LIMA1: variants seen among roughly 807,000 people sequenced by gnomAD.
The protein encoded by LIMA1 is LIM domain and actin binding 1.
A neutral mutation model predicts 62.6 loss-of-function variants in LIMA1; 52 were observed. That is an observed-to-expected ratio of 0.83 (90% CI 0.67 to 1.05). The LOEUF (loss-of-function observed/expected upper bound fraction) is 1.05, where lower values mean the gene tolerates loss of function less well. Among genes scored for constraint, LIMA1 ranks in the 50% least tolerant of loss-of-function variants. LIMA1 has a pLI of 0.00. For missense variants in LIMA1, 780 were observed against 902.2 expected (o/e 0.86, Z 1.74); for synonymous variants, 302 against 317.8 (o/e 0.95, Z 0.53).
In LIMA1 at chr12:50,273,190, A is replaced by C. The variant is rs984994023; in HGVS notation, c.-24+10230T>G. Reference sequence around the variant, plus strand: ...GGCTGGTCTCGAACTCCTGACCTCAAGTGATCCGCCAGCCTTGGCCTCCTA... The same window carrying C: ...GGCTGGTCTCGAACTCCTGACCTCACGTGATCCGCCAGCCTTGGCCTCCTA... On this transcript the variant is annotated intron_variant, in intron 1 of 10. Transcript: ENST00000341247. 2.0e-5 allele frequency among the ~76,000 whole-genome samples: 3 copies of C among 152,038 alleles called. No individual in the cohort carries two copies. The East Asian group carries it at 5.8e-4, about 29-fold the overall frequency.
At chr12:50,202,211 C>G (rs181745365) in intron 6 of LIMA1, 1 of 152,238 alleles carries the variant, frequency 6.6e-6, no homozygotes, top group Admixed American at 6.5e-5. Flanking sequence ...CAAAGCCCCA[C>G]CTCCAGAACT....
chr12:50,267,416 CAT>C (rs1468986415), intron 1 of LIMA1, among the ~76,000 whole-genome samples: 3 of 151,950 alleles, frequency 2.0e-5, no homozygotes, highest in Non-Finnish European at 1.5e-5. Flanking sequence ...AGGGTTTCAC[CAT>C]GTTGGCCAGG....
intron 1 of LIMA1, among the ~76,000 whole-genome samples, chr12:50,249,025 A>G (rs1941891068): frequency 1.3e-5 from 2 of 152,200 alleles, no homozygotes; most frequent in African/African-American, 2.4e-5. Flanking sequence ...TGCAAACATC[A>G]ATTGGCCTTT....
chr12:50,250,509 G>A (rs1941915478), intron 1 of LIMA1, among the ~76,000 whole-genome samples: 1 of 139,200 alleles, frequency 7.2e-6, no homozygotes, highest in Non-Finnish European at 1.5e-5. Context: ...AGGCTACAAT[G>A]AGCTATGAAT....
At chr12:50,226,699 C>A (rs867891725) in intron 3 of LIMA1, among the ~76,000 whole-genome samples, 16 of 151,934 alleles carry the variant, frequency 1.1e-4, no homozygotes, top group African/African-American at 3.9e-4. Context: ...ATTAGGTGGG[C>A]GTGGTGGCGT....
intron 3 of LIMA1, chr12:50,224,118 C>T (rs1019753624): frequency 1.3e-5 from 2 of 152,066 alleles, no homozygotes; most frequent in African/African-American, 2.4e-5. Flanking sequence ...TGAACAGCAC[C>T]ACCTTCCCAA....
At chr12:50,183,710 C>T (rs2138390864) in intron 9 of LIMA1, among the ~76,000 whole-genome samples, 1 of 145,316 alleles carries the variant, frequency 6.9e-6, no homozygotes, top group South Asian at 2.3e-4. Context: ...ACTCGGGAGG[C>T]TGAGGCAGGA....
intron 7 of LIMA1, 101 bp downstream of exon 7, chr12:50,200,676 C>T: frequency 1.5e-6 from 2 of 1,333,172 alleles, no homozygotes; most frequent in Non-Finnish European, 1.1e-6. Flanking sequence ...ACCAAATTCC[C>T]AGACACTCTA....
At chr12:50,246,422 G>A (rs1218113590) in intron 2 of LIMA1, among the ~76,000 whole-genome samples, 7 of 151,956 alleles carry the variant, frequency 4.6e-5, no homozygotes, top group African/African-American at 9.7e-5. Context: ...TCTCAACACC[G>A]TCTGATATCC....
chr12:50,208,066 G>T (rs1941185967), intron 4 of LIMA1, among the ~76,000 whole-genome samples: 1 of 152,078 alleles, frequency 6.6e-6, no homozygotes, highest in African/African-American at 2.4e-5. Flanking sequence ...TATCTCCCAA[G>T]GCTAGGCACA....
intron 3 of LIMA1, among the ~76,000 whole-genome samples, chr12:50,228,377 A>C (rs1034993881): frequency 1.3e-5 from 2 of 152,094 alleles, no homozygotes; most frequent in African/African-American, 2.4e-5. Flanking sequence ...CTCCCAAACA[A>C]CACAAGATGA....
chr12:50,243,713 C>G (rs1941809317), intron 2 of LIMA1, among the ~76,000 whole-genome samples: 1 of 152,150 alleles, frequency 6.6e-6, no homozygotes, highest in African/African-American at 2.4e-5. Context: ...ATTCTCCAAG[C>G]CTACCAAATA....
chr12:50,186,647 A>G (rs919786879), intron 9 of LIMA1: 2 of 152,232 alleles, frequency 1.3e-5, no homozygotes, highest in African/African-American at 4.8e-5. Context: ...GTTTTATCCT[A>G]AAACCTTGCT....
chr12:50,258,313 T>A (rs1254342203), intron 1 of LIMA1, among the ~76,000 whole-genome samples: 2 of 152,158 alleles, frequency 1.3e-5, no homozygotes, highest in Non-Finnish European at 2.9e-5. Context: ...TGTGTGTGTG[T>A]GTGTGTGTGA....
intron 2 of LIMA1, among the ~76,000 whole-genome samples, chr12:50,236,695 C>T (rs548904581): frequency 2.6e-5 from 4 of 152,130 alleles, no homozygotes; most frequent in Admixed American, 1.3e-4. Flanking sequence ...CTGCTTCTTC[C>T]GTCTTTCTTG....
At position 50,277,841 on chromosome 12, in the gene LIMA1, C is replaced by A. The variant is rs555332575; in HGVS notation, c.-24+5579G>T. ...AAAACCAACATAATTAAAATGTTAACGCCCAAATAAAAATGGGAGTGGGAT... is the reference window on the plus strand; with the variant it reads ...AAAACCAACATAATTAAAATGTTAAAGCCCAAATAAAAATGGGAGTGGGAT... On this transcript the variant is annotated intron_variant, in intron 1 of 10. Transcript: ENST00000341247. 3.3e-5 allele frequency among the ~76,000 whole-genome samples: 5 copies of A among 152,262 alleles called. No individual in the cohort carries two copies. The South Asian group carries it at 1.0e-3, about 32-fold the overall frequency.
Position 50,248,688 on chromosome 12 carries a change from C to A in LIMA1, c.64G>T (p.Glu22Ter). Residue 22 changes from glutamate (E) to a stop codon, truncating the protein, a stop_gained, in exon 2 of 11, where the codon GAA becomes TAA. Coordinates refer to ENST00000341247, the MANE Select transcript of LIMA1 (RefSeq NM_016357.5). LOFTEE classifies it high-confidence loss of function. ...TSLSLRVTAK[E>*]LSLVNKNKSS... is the part of the protein sequence containing the mutation. ...TTGTTCTTGTTGACAAGAGAAAGTT[C>A]TTTGGCTGTTACCCTCAATGATAGT... 1 of 1,613,930 alleles carries A rather than the reference C, an allele frequency of 6.2e-7. No homozygotes were observed. Among genetic ancestry groups the A allele is most frequent in the Non-Finnish European group, 8.5e-7 (1 of 1,179,808 alleles).
At chr12:50,214,806 A>T (rs1055133126) in intron 4 of LIMA1, among the ~76,000 whole-genome samples, 2 of 152,234 alleles carry the variant, frequency 1.3e-5, no homozygotes, top group African/African-American at 4.8e-5. Flanking sequence ...CAAACAAACA[A>T]ACAAAACTAT....
intron 1 of LIMA1, among the ~76,000 whole-genome samples, chr12:50,258,370 C>T (rs1211794278): frequency 6.6e-6 from 1 of 152,132 alleles, no homozygotes; most frequent in African/African-American, 2.4e-5. Context: ...GCAATCACAG[C>T]TCACTGCAGC....
Sources: allele counts gnomAD v4.1 joint callset (sites outside exome capture counted in the v4.1 genomes callset), GRCh38; gene constraint gnomAD v4.1.1; transcripts MANE v1.5; gene names NCBI Gene and HGNC (gene_info 2026-07-23, HGNC 2026-07-21).